The following RGPD2 variants were observed in gnomAD, a reference collection of about 807,000 sequenced individuals.
The protein encoded by RGPD2 is RANBP2-like and GRIP domain-containing protein 2.
A neutral mutation model predicts 36.0 loss-of-function variants in RGPD2; 2 were observed. That is an observed-to-expected ratio of 0.06 (90% CI 0.02 to 0.17). RGPD2 has a LOEUF of 0.17. RGPD2 is among the 10% of genes least tolerant of loss of function. The probability of loss-of-function intolerance (pLI) is 1.00; values close to 1 mark genes in which losing one functional copy is unlikely to be tolerated. For synonymous variants in RGPD2, 19 were observed against 163.8 expected (o/e 0.12, Z 6.75); for missense variants, 40 against 464.3 (o/e 0.09, Z 8.40).
chr2:87,921,484 G>T, the RGPD2 span, among the ~76,000 whole-genome samples: 1 of 152,134 alleles, frequency 6.6e-6, no homozygotes, highest in Non-Finnish European at 1.5e-5. Flanking sequence ...GAGGGAGGAA[G>T]ATTGAGATCC....
At chr2:87,937,448 C>A in the RGPD2 span, among the ~76,000 whole-genome samples, 1 of 151,732 alleles carries the variant, frequency 6.6e-6, no homozygotes, top group African/African-American at 2.4e-5. Context: ...GCTGTAGGAG[C>A]GTGACACCAG....
chr2:87,842,714 A>G, the RGPD2 span, among the ~76,000 whole-genome samples: 1 of 151,950 alleles, frequency 6.6e-6, no homozygotes, highest in Admixed American at 6.6e-5. Flanking sequence ...AAACTACTTT[A>G]AAGTTCATAT....
chr2:87,964,803 T>A, the RGPD2 span, among the ~76,000 whole-genome samples: 692 of 78,442 alleles, frequency 8.8e-3, no homozygotes, highest in Non-Finnish European at 0.015. Context: ...AAGGAATTCT[T>A]TTTATTTATT....
chr2:87,913,689 T>C, the RGPD2 span, among the ~76,000 whole-genome samples: 1 of 151,746 alleles, frequency 6.6e-6, no homozygotes, highest in Non-Finnish European at 1.5e-5. Flanking sequence ...GAATTTTGAT[T>C]AGTATTCTGT....
chr2:87,857,020 A>C, the RGPD2 span, among the ~76,000 whole-genome samples: 1 of 152,344 alleles, frequency 6.6e-6, no homozygotes, highest in South Asian at 2.1e-4. Context: ...GTCATTATCC[A>C]ACATTTTTGT....
At chr2:87,873,939 T>C in the RGPD2 span, among the ~76,000 whole-genome samples, 1 of 151,952 alleles carries the variant, frequency 6.6e-6, no homozygotes, top group South Asian at 2.1e-4. Context: ...CAAACCATAT[T>C]AGTATCTCAT....
chr2:87,885,068 G>T, the RGPD2 span, among the ~76,000 whole-genome samples: 2 of 152,022 alleles, frequency 1.3e-5, no homozygotes, highest in Non-Finnish European at 2.9e-5. Flanking sequence ...CCAACTTAGG[G>T]TGGTTCAATT....
chr2:87,879,525 A>T, the RGPD2 span, among the ~76,000 whole-genome samples: 1 of 114,272 alleles, frequency 8.8e-6, no homozygotes, highest in Non-Finnish European at 1.8e-5. Context: ...CATTAGTTCA[A>T]CTGTTTTAGT....
At chr2:87,859,532 A>G in the RGPD2 span, among the ~76,000 whole-genome samples, 3 of 152,142 alleles carry the variant, frequency 2.0e-5, no homozygotes, top group Non-Finnish European at 4.4e-5. Context: ...ACATGTACAC[A>G]CACATTCCTC....
At chr2:87,873,147 C>T in the RGPD2 span, among the ~76,000 whole-genome samples, 1 of 152,080 alleles carries the variant, frequency 6.6e-6, no homozygotes, top group Non-Finnish European at 1.5e-5. Flanking sequence ...CAACTCCATC[C>T]ATGTCCCTAC....
At chr2:87,873,769 TTA>T in the RGPD2 span, among the ~76,000 whole-genome samples, 1 of 151,060 alleles carries the variant, frequency 6.6e-6, no homozygotes, top group South Asian at 2.1e-4. Context: ...GAAACTGCCT[TTA>T]TAAAACCATC....
the RGPD2 span, among the ~76,000 whole-genome samples, chr2:87,843,978 C>T: frequency 3.3e-5 from 5 of 151,742 alleles, no homozygotes; most frequent in South Asian, 2.1e-4. Context: ...AACCAAACAC[C>T]GCATATTCTC....
chr2:87,918,165 TA>T, the RGPD2 span, among the ~76,000 whole-genome samples: 3 of 124,798 alleles, frequency 2.4e-5, no homozygotes, highest in African/African-American at 3.4e-5. Context: ...GGTGTACGTA[TA>T]AAAATAGTCT....
At chr2:87,957,093 A>G in the RGPD2 span, among the ~76,000 whole-genome samples, 1 of 151,868 alleles carries the variant, frequency 6.6e-6, no homozygotes. Flanking sequence ...TTTGCAACAG[A>G]GTGTGGAAAA....
the RGPD2 span, among the ~76,000 whole-genome samples, chr2:87,897,504 C>T: frequency 1.3e-5 from 2 of 152,012 alleles, no homozygotes; most frequent in Non-Finnish European, 2.9e-5. Flanking sequence ...GGTACATGTG[C>T]AGAATGTGCA....
chr2:87,875,275 T>C, the RGPD2 span, among the ~76,000 whole-genome samples: 1 of 152,234 alleles, frequency 6.6e-6, no homozygotes, highest in South Asian at 2.1e-4. Context: ...TGTGCTTGTT[T>C]TGTGCCACTT....
At chr2:87,856,864 CT>C in the RGPD2 span, among the ~76,000 whole-genome samples, 2 of 151,610 alleles carry the variant, frequency 1.3e-5, no homozygotes. Context: ...CTCTGAGAAA[CT>C]ATTTTAAACC....
the RGPD2 span, among the ~76,000 whole-genome samples, chr2:87,868,822 C>T: frequency 6.6e-6 from 1 of 152,058 alleles, no homozygotes; most frequent in African/African-American, 2.4e-5. Flanking sequence ...ACCTTATCAT[C>T]CTATGTAAAA....
the RGPD2 span, among the ~76,000 whole-genome samples, chr2:87,978,975 C>T: frequency 2.7e-5 from 4 of 150,530 alleles, no homozygotes; most frequent in Non-Finnish European, 1.5e-5. Flanking sequence ...TGGCTCACAC[C>T]TGTAATCTCA....
Sources: allele counts gnomAD v4.1 joint callset (sites outside exome capture counted in the v4.1 genomes callset), GRCh38; gene constraint gnomAD v4.1.1; transcripts MANE v1.5; gene names NCBI Gene and HGNC (gene_info 2026-07-23, HGNC 2026-07-21).